The following ECT2L variants were observed in gnomAD, a reference collection of about 807,000 sequenced individuals.
ECT2L encodes epithelial cell transforming 2 like, also known as epithelial cell-transforming sequence 2 oncogene-like.
A neutral mutation model predicts 122.8 loss-of-function variants in ECT2L; 126 were observed. The observed-to-expected ratio is 1.03, with a 90% CI of 0.89 to 1.19. The LOEUF (loss-of-function observed/expected upper bound fraction) is 1.19. Among genes scored for constraint, ECT2L ranks in the 50% most tolerant of loss-of-function variants. The pLI is 0.00. For synonymous variants in ECT2L, 385 were observed against 381.8 expected, an observed-to-expected ratio of 1.01 and a Z score of -0.10; for missense variants, 1,012 against 1,064.1, an observed-to-expected ratio of 0.95 and a Z score of 0.68.
intron 1 of ECT2L, among the ~76,000 whole-genome samples, chr6:138,811,358 T>C (rs1224781374): frequency 6.6e-6 from 1 of 152,156 alleles, no homozygotes; most frequent in African/African-American, 2.4e-5. Flanking sequence ...GAGACTGCAG[T>C]CCCCGCAAAC....
intron 20 of ECT2L, among the ~76,000 whole-genome samples, chr6:138,896,305 A>C (rs1009167376): frequency 1.3e-5 from 2 of 152,124 alleles, no homozygotes; most frequent in African/African-American, 2.4e-5. Context: ...CCAGTGCAGG[A>C]CTGGTGAATA....
intron 1 of ECT2L, among the ~76,000 whole-genome samples, chr6:138,812,143 G>C (rs966322307): frequency 6.6e-6 from 1 of 152,220 alleles, no homozygotes; most frequent in South Asian, 2.1e-4. Flanking sequence ...AGGACACAGT[G>C]AGAAGGCAGC....
intron 10 of ECT2L, among the ~76,000 whole-genome samples, chr6:138,856,735 G>T (rs1373968366): frequency 6.6e-6 from 1 of 152,162 alleles, no homozygotes; most frequent in African/African-American, 2.4e-5. Flanking sequence ...GGGTACTAAA[G>T]CAGCTTTAAA....
intron 4 of ECT2L, chr6:138,822,783 T>C: frequency 6.2e-7 from 1 of 1,605,278 alleles, no homozygotes; most frequent in Non-Finnish European, 8.5e-7. Flanking sequence ...AGATTATTAT[T>C]ATGAGGAAAA....
intron 14 of ECT2L, among the ~76,000 whole-genome samples, chr6:138,877,028 T>C (rs1471222756): frequency 6.6e-6 from 1 of 152,202 alleles, no homozygotes; most frequent in Non-Finnish European, 1.5e-5. Flanking sequence ...ACCCACGGCA[T>C]GGGCACACTG....
At chr6:138,873,848 A>G (rs1253919056) in intron 13 of ECT2L, among the ~76,000 whole-genome samples, 1 of 146,454 alleles carries the variant, frequency 6.8e-6, no homozygotes. Flanking sequence ...CTTGTGTAAT[A>G]CGGATTATCT....
At chr6:138,889,579 C>T (rs1446602467) in intron 20 of ECT2L, among the ~76,000 whole-genome samples, 2 of 152,152 alleles carry the variant, frequency 1.3e-5, no homozygotes, top group African/African-American at 2.4e-5. Flanking sequence ...CTTGGCCTCC[C>T]AAAGTGCTGG....
At chr6:138,871,107 T>C (rs1315566449) in intron 13 of ECT2L, among the ~76,000 whole-genome samples, 1 of 152,150 alleles carries the variant, frequency 6.6e-6, no homozygotes, top group Admixed American at 6.5e-5. Flanking sequence ...AGTACTATAT[T>C]AGGAATCCAA....
chr6:138,899,046 A>C (rs938075001), intron 20 of ECT2L, among the ~76,000 whole-genome samples: 3 of 152,166 alleles, frequency 2.0e-5, no homozygotes, highest in Non-Finnish European at 4.4e-5. Context: ...GTAGCCTTTG[A>C]CCAATCCGTC....
chr6:138,901,973 C>G (rs1271220325), intron 21 of ECT2L, among the ~76,000 whole-genome samples: 1 of 152,176 alleles, frequency 6.6e-6, no homozygotes, highest in Non-Finnish European at 1.5e-5. Context: ...GTTAAAAAGG[C>G]TTAATTAACT....
intron 1 of ECT2L, among the ~76,000 whole-genome samples, chr6:138,812,301 A>T (rs1405920148): frequency 6.6e-6 from 1 of 152,226 alleles, no homozygotes; most frequent in Non-Finnish European, 1.5e-5. Flanking sequence ...GCCCAGTTAG[A>T]CTAAGACAGT....
intron 13 of ECT2L, among the ~76,000 whole-genome samples, chr6:138,868,657 G>A (rs982198195): frequency 5.3e-5 from 8 of 152,246 alleles, no homozygotes; most frequent in Middle Eastern, 3.4e-3. Context: ...ACAACGGAAC[G>A]GAAAGAAGCA....
chr6:138,867,264 A>G (rs967122399), intron 12 of ECT2L, among the ~76,000 whole-genome samples: 1 of 152,176 alleles, frequency 6.6e-6, no homozygotes, highest in Non-Finnish European at 1.5e-5. Flanking sequence ...CGGAGTGGGC[A>G]CTTTTTATAG....
At chr6:138,833,313 C>T (rs193242189) in intron 4 of ECT2L, among the ~76,000 whole-genome samples, 1 of 152,316 alleles carries the variant, frequency 6.6e-6, no homozygotes, top group Admixed American at 6.5e-5. Flanking sequence ...AGACATTTAA[C>T]TTGTTTCCCC....
At chr6:138,871,783 C>T (rs1440620866) in intron 13 of ECT2L, among the ~76,000 whole-genome samples, 1 of 151,730 alleles carries the variant, frequency 6.6e-6, no homozygotes, top group South Asian at 2.1e-4. Context: ...CCAGCCTGGG[C>T]CATAGAGTGA....
In ECT2L at chr6:138,822,335, CT is replaced by C. The variant is rs1354681124; in HGVS notation, c.179+7734del. ...TTGGGAGGCTGAGGTCGGCGGATCA[CT>C]TGAGCTTAGGAGTTCAAGACCAGCC... On this transcript the variant is annotated intron_variant, in intron 4 of 21. Transcript: ENST00000541398. 2.0e-5 allele frequency among the ~76,000 whole-genome samples: 3 copies of C among 152,212 alleles called. No homozygotes were observed. In the East Asian group the frequency reaches 5.8e-4, roughly 29 times the overall value.
intron 9 of ECT2L, among the ~76,000 whole-genome samples, chr6:138,852,603 C>T (rs1393327202): frequency 6.6e-6 from 1 of 152,098 alleles, no homozygotes; most frequent in Non-Finnish European, 1.5e-5. Flanking sequence ...ACTTCGTGTA[C>T]TTGGAAAGTT....
chr6:138,885,864 C>A, intron 18 of ECT2L, 34 bp downstream of exon 18: 1 of 1,596,010 alleles, frequency 6.3e-7, no homozygotes, highest in Non-Finnish European at 8.6e-7. Context: ...GTCCTTTAAA[C>A]ATGTTACAAT....
chr6:138,844,928 T>C (rs1481783351), intron 7 of ECT2L, among the ~76,000 whole-genome samples: 4 of 152,046 alleles, frequency 2.6e-5, no homozygotes, highest in Non-Finnish European at 4.4e-5. Context: ...GAGCCCAGCT[T>C]TACATATTCT....
Sources: gnomAD v4.1 joint callset for allele counts (sites outside exome capture counted in the v4.1 genomes callset) on GRCh38, gnomAD v4.1.1 for gene constraint, MANE v1.5 for transcripts, NCBI Gene and HGNC (gene_info 2026-07-23, HGNC 2026-07-21) for gene names.